Variants in ARB2A observed in about 807,000 individuals in gnomAD.
ARB2A encodes the protein cotranscriptional regulator ARB2A.
At chr5:93,710,203 G>C in the ARB2A span, among the ~76,000 whole-genome samples, 1 of 152,186 alleles carries the variant, frequency 6.6e-6, no homozygotes, top group Non-Finnish European at 1.5e-5. Context: ...TAGCCTATGG[G>C]CCCGATATAA....
chr5:93,620,668 G>A, the ARB2A span: 1 of 224,532 alleles, frequency 4.5e-6, no homozygotes, highest in Non-Finnish European at 8.7e-6. Flanking sequence ...GACCCGCAGC[G>A]CCCGCGCGGT....
At chr5:93,979,591 C>A in the ARB2A span, among the ~76,000 whole-genome samples, 1 of 152,050 alleles carries the variant, frequency 6.6e-6, no homozygotes, top group Non-Finnish European at 1.5e-5. Context: ...ACCCTGCATG[C>A]ATAATTAGGC....
At chr5:93,926,212 C>A in the ARB2A span, among the ~76,000 whole-genome samples, 1 of 152,012 alleles carries the variant, frequency 6.6e-6, no homozygotes, top group African/African-American at 2.4e-5. Flanking sequence ...TCACCGCAAC[C>A]TCTGCCTCCC....
chr5:93,682,934 T>C, the ARB2A span: 3 of 1,577,678 alleles, frequency 1.9e-6, no homozygotes, highest in Non-Finnish European at 2.6e-6. Flanking sequence ...GGCTTCCACT[T>C]TGGGAAGAGA....
the ARB2A span, among the ~76,000 whole-genome samples, chr5:94,007,127 A>G: frequency 6.6e-6 from 1 of 152,198 alleles, no homozygotes; most frequent in East Asian, 1.9e-4. Flanking sequence ...AGAAAACGAA[A>G]TCAAGTAGAA....
the ARB2A span, among the ~76,000 whole-genome samples, chr5:93,781,114 C>T: frequency 6.6e-6 from 1 of 152,096 alleles, no homozygotes; most frequent in African/African-American, 2.4e-5. Context: ...GTAACTGTCA[C>T]CCAAATAGTG....
At chr5:93,911,315 G>A in the ARB2A span, among the ~76,000 whole-genome samples, 1 of 151,672 alleles carries the variant, frequency 6.6e-6, no homozygotes, top group Admixed American at 6.6e-5. Flanking sequence ...GTTTTCCTTT[G>A]TAGTAATATA....
the ARB2A span, among the ~76,000 whole-genome samples, chr5:93,851,916 A>C: frequency 1.3e-5 from 2 of 152,152 alleles, no homozygotes; most frequent in African/African-American, 4.8e-5. Flanking sequence ...ATAAACATAC[A>C]AGTGCATGTG....
the ARB2A span, among the ~76,000 whole-genome samples, chr5:94,011,434 G>A: frequency 1.3e-5 from 2 of 152,024 alleles, no homozygotes; most frequent in South Asian, 4.2e-4. Context: ...GTGAGGGAAG[G>A]GATGTTTGTA....
chr5:93,952,457 AT>A, the ARB2A span, among the ~76,000 whole-genome samples: 1 of 152,094 alleles, frequency 6.6e-6, no homozygotes, highest in Non-Finnish European at 1.5e-5. Context: ...GGGTAAAAGG[AT>A]TTTTACCATC....
the ARB2A span, among the ~76,000 whole-genome samples, chr5:93,786,566 G>A: frequency 1.3e-5 from 2 of 152,214 alleles, no homozygotes; most frequent in East Asian, 3.8e-4. Context: ...AATTAACCCA[G>A]TAGCAAAGAA....
chr5:93,657,632 C>T, the ARB2A span, among the ~76,000 whole-genome samples: 1 of 152,044 alleles, frequency 6.6e-6, no homozygotes, highest in African/African-American at 2.4e-5. Context: ...AGGCAATGGG[C>T]ATATAAAGTA....
the ARB2A span, among the ~76,000 whole-genome samples, chr5:93,689,283 C>T: frequency 4.6e-5 from 7 of 152,108 alleles, no homozygotes; most frequent in African/African-American, 1.7e-4. Flanking sequence ...TTTTTTGGGC[C>T]TTTACTTTTC....
chr5:93,787,363 T>A, the ARB2A span, among the ~76,000 whole-genome samples: 3 of 152,222 alleles, frequency 2.0e-5, no homozygotes, highest in Non-Finnish European at 4.4e-5. Flanking sequence ...ATCAACATCC[T>A]AAAGTTCCAT....
At chr5:94,053,212 A>G in the ARB2A span, 1 of 1,541,340 alleles carries the variant, frequency 6.5e-7, no homozygotes, top group Non-Finnish European at 8.9e-7. Context: ...ATCCAAATCT[A>G]TCCTAGATAA....
the ARB2A span, among the ~76,000 whole-genome samples, chr5:93,621,303 G>A: frequency 7.1e-6 from 1 of 141,140 alleles, no homozygotes; most frequent in Non-Finnish European, 1.6e-5. Flanking sequence ...CAGGACCCCC[G>A]CCCCCTCGCG....
At chr5:93,847,446 A>C in the ARB2A span, among the ~76,000 whole-genome samples, 162 of 152,302 alleles carry the variant, frequency 1.1e-3, 1 homozygote, top group African/African-American at 3.8e-3. Context: ...CTATTTAAAA[A>C]ATTTCTCATG....
the ARB2A span, among the ~76,000 whole-genome samples, chr5:93,949,347 G>A: frequency 1.3e-5 from 2 of 151,914 alleles, no homozygotes; most frequent in African/African-American, 4.8e-5. Flanking sequence ...CAGATGACAA[G>A]GTCAAGAGAT....
chr5:93,675,251 T>A, the ARB2A span, among the ~76,000 whole-genome samples: 2 of 152,208 alleles, frequency 1.3e-5, no homozygotes, highest in African/African-American at 4.8e-5. Context: ...TTCACGATCC[T>A]ACAGCAGATC....
Sources: allele counts gnomAD v4.1 joint callset (sites outside exome capture counted in the v4.1 genomes callset), GRCh38; gene constraint gnomAD v4.1.1; transcripts MANE v1.5; gene names NCBI Gene and HGNC (gene_info 2026-07-23, HGNC 2026-07-21).